NYAP2: variants seen among roughly 807,000 people sequenced by gnomAD.
The protein encoded by NYAP2 is neuronal tyrosine-phosphorylated phosphoinositide-3-kinase adapter 2.
In NYAP2, 23 loss-of-function variants were observed where a neutral mutation model predicts 50.4. That is an observed-to-expected ratio of 0.46 (90% CI 0.33 to 0.65). The LOEUF (loss-of-function observed/expected upper bound fraction) is 0.65. NYAP2 is among the 30% of genes least tolerant of loss of function. The pLI is 0.02. For synonymous variants in NYAP2, 394 were observed against 365.2 expected, an observed-to-expected ratio of 1.08 and a Z score of -0.90; for missense variants, 885 against 861.0, an observed-to-expected ratio of 1.03 and a Z score of -0.35.
chr2:225,516,711 G>T (rs893694352), intron 4 of NYAP2, among the ~76,000 whole-genome samples: 8 of 152,086 alleles, frequency 5.3e-5, no homozygotes, highest in Non-Finnish European at 8.8e-5. Context: ...TGTGTACTCA[G>T]AGCCAAAATT....
chr2:225,577,939 T>C (rs190152721), intron 4 of NYAP2, among the ~76,000 whole-genome samples: 1,615 of 152,140 alleles, frequency 0.011, 31 homozygotes, highest in African/African-American at 0.037. Flanking sequence ...TTTAATTTAA[T>C]TTATTATATT....
At chr2:225,694,984 A>T in the NYAP2 span, among the ~76,000 whole-genome samples, 1 of 151,914 alleles carries the variant, frequency 6.6e-6, no homozygotes, top group African/African-American at 2.4e-5. Context: ...AATTCAGACC[A>T]TTCTATCAAT....
At chr2:225,454,139 C>CTGG (rs1478023610) in intron 3 of NYAP2, among the ~76,000 whole-genome samples, 2 of 151,912 alleles carry the variant, frequency 1.3e-5, no homozygotes, top group African/African-American at 4.8e-5. Context: ...GCCTGGACAA[C>CTGG]ATAGCGAGAC....
intron 4 of NYAP2, among the ~76,000 whole-genome samples, chr2:225,559,100 C>A (rs1691825068): frequency 6.6e-6 from 1 of 151,976 alleles, no homozygotes; most frequent in Non-Finnish European, 1.5e-5. Context: ...TTAGAATTAT[C>A]CCCTTCTGTC....
intron 2 of NYAP2, among the ~76,000 whole-genome samples, chr2:225,402,575 A>G (rs1422027628): frequency 6.6e-6 from 1 of 152,060 alleles, no homozygotes; most frequent in Non-Finnish European, 1.5e-5. Context: ...TCATGATGCT[A>G]CTGCATTAAC....
In NYAP2 at chr2:225,582,674, G is replaced by A. The variant is rs774623727; in HGVS notation, c.1257G>A (p.Thr419=). Residue 419 remains threonine (T), a synonymous_variant, in exon 5 of 7, where the codon ACG becomes ACA. Coordinates refer to ENST00000636099, the Ensembl canonical transcript of NYAP2. The surrounding 1 kb of genome is among the most constrained non-coding windows in gnomAD (Gnocchi z 7.0). ...CCTCGTCGCCCCCACCCCCGTCTACGCTGTACCGAACCCAGTCTCCCCATG... is the reference window on the plus strand; with the variant it reads ...CCTCGTCGCCCCCACCCCCGTCTACACTGTACCGAACCCAGTCTCCCCATG... The A allele has an allele frequency of 1.9e-6, 3 of 1,598,948 alleles. No homozygotes were observed. The highest frequency in any genetic ancestry group is 2.3e-5 in the East Asian group (1 of 44,432).
At chr2:225,461,265 TCAAGG>T (rs1209334350) in intron 3 of NYAP2, among the ~76,000 whole-genome samples, 2 of 152,188 alleles carry the variant, frequency 1.3e-5, no homozygotes, top group South Asian at 4.1e-4. Context: ...TGGAAACATA[TCAAGG>T]CTTTTTCACA....
At chr2:225,496,528 A>C (rs541440860) in intron 3 of NYAP2, among the ~76,000 whole-genome samples, 1 of 152,326 alleles carries the variant, frequency 6.6e-6, no homozygotes, top group East Asian at 1.9e-4. Flanking sequence ...ACTCTTTAAG[A>C]AAAAACTGAA....
the NYAP2 span, among the ~76,000 whole-genome samples, chr2:225,683,238 C>G: frequency 9.2e-5 from 14 of 152,084 alleles, no homozygotes; most frequent in African/African-American, 3.4e-4. Flanking sequence ...CTAAGCTGGT[C>G]CCTATCTATA....
At chr2:225,702,268 A>G in the NYAP2 span, 1 of 151,798 alleles carries the variant, frequency 6.6e-6, no homozygotes, top group Non-Finnish European at 1.5e-5. Flanking sequence ...CATGTATACA[A>G]AATAGACAGC....
At chr2:225,522,039 C>CACTAGAAAATAGG (rs1691068995) in intron 4 of NYAP2, among the ~76,000 whole-genome samples, 1 of 151,896 alleles carries the variant, frequency 6.6e-6, no homozygotes, top group Admixed American at 6.6e-5. Flanking sequence ...CCATTTCTTC[C>CACTAGAAAATAGG]AGATTTTCTA....
At position 225,582,974 on chromosome 2, in the gene NYAP2, C is replaced by T. The variant is rs1336374906; in HGVS notation, c.1557C>T (p.Ser519=). 3.7e-6 allele frequency: 6 copies of T among 1,612,346 alleles called. No individual in the cohort carries two copies. The highest frequency in any genetic ancestry group is 4.2e-6 in the Non-Finnish European group (5 of 1,179,682). ...TGGAGGAGCTGACCAGCCTCTTCTC[C>T]TCCGGCCGCAGCCTGCTGCGCAAGT... Residue 519 remains serine (S), a synonymous_variant, in exon 5 of 7, where the codon TCC becomes TCT. Coordinates refer to ENST00000636099, the Ensembl canonical transcript of NYAP2. The surrounding 1 kb of genome is among the most constrained non-coding windows in gnomAD (Gnocchi z 7.0).
intron 3 of NYAP2, among the ~76,000 whole-genome samples, chr2:225,443,512 C>T (rs894096880): frequency 3.9e-5 from 6 of 152,074 alleles, no homozygotes; most frequent in African/African-American, 7.2e-5. Context: ...ATACTACGTA[C>T]TGGAGCTGAA....
intron 3 of NYAP2, among the ~76,000 whole-genome samples, chr2:225,413,583 AT>A (rs113885832): frequency 6.6e-5 from 10 of 152,228 alleles, no homozygotes; most frequent in African/African-American, 1.9e-4. Flanking sequence ...CATGTTCTTA[AT>A]TAAAAAAATG....
Position 225,581,923 on chromosome 2 carries a change from C to T in NYAP2, c.524-18C>T, listed in dbSNP as rs751518189. The T allele has an allele frequency of 2.5e-6, 4 of 1,580,956 alleles. No individual in the cohort carries two copies. The highest frequency in any genetic ancestry group is 2.7e-5 in the African/African-American group (2 of 73,504). The stretch of plus-strand genomic sequence containing the variant: ...CCTATTATACTCATCTATTCCACTA[C>T]GTTTTTTCTTCTTTTAGCGTCAGCT... On this transcript the variant is annotated intron_variant, in intron 4 of 6. Coordinates refer to ENST00000636099, the Ensembl canonical transcript of NYAP2.
intron 3 of NYAP2, among the ~76,000 whole-genome samples, chr2:225,499,723 C>T (rs1417836994): frequency 6.6e-6 from 1 of 152,072 alleles, no homozygotes. Context: ...GAGACTTTGC[C>T]GTCTTGTTCA....
intron 3 of NYAP2, among the ~76,000 whole-genome samples, chr2:225,502,258 G>A (rs1295875084): frequency 1.3e-5 from 2 of 151,968 alleles, no homozygotes; most frequent in Non-Finnish European, 2.9e-5. Context: ...TAGAGATGGA[G>A]AGAAGGGGAT....
chr2:225,582,150 T>A lies in NYAP2; in HGVS notation c.733T>A (p.Tyr245Asn). Residue 245 changes from tyrosine (Y) to asparagine (N), a missense_variant, in exon 5 of 7, where the codon TAC (tyrosine) becomes AAC (asparagine). Tyr to Asn is a moderately radical substitution (Grantham distance 143). Coordinates refer to ENST00000636099, the Ensembl canonical transcript of NYAP2. This position sits in a 1 kb window ranked among gnomAD's most constrained non-coding sequence, Gnocchi z 7.0. ...AGACCCCGAGGAAGAGGAGCCCGTG[T>A]ACATCGAGATGGTGGGGAACATTCT... 6.2e-7 allele frequency: 1 copy of A among 1,613,976 alleles called. No individual in the cohort carries two copies. The highest frequency in any genetic ancestry group is 8.5e-7 in the Non-Finnish European group (1 of 1,179,852).
intron 3 of NYAP2, among the ~76,000 whole-genome samples, chr2:225,466,106 G>A (rs1265688827): frequency 1.3e-5 from 2 of 152,180 alleles, no homozygotes; most frequent in Admixed American, 1.3e-4. Flanking sequence ...GGAGAAGCCC[G>A]ATCTCTTTTT....
Sources: allele counts gnomAD v4.1 joint callset (sites outside exome capture counted in the v4.1 genomes callset), GRCh38; gene constraint gnomAD v4.1.1; non-coding constraint Gnocchi (gnomAD v3.1); transcripts MANE v1.5; gene names NCBI Gene and HGNC (gene_info 2026-07-23, HGNC 2026-07-21).